MGAT1: variants seen among roughly 807,000 people sequenced by gnomAD.
The protein encoded by MGAT1 is alpha-1,3-mannosyl-glycoprotein 2-beta-N-acetylglucosaminyltransferase, also known as N-glycosyl-oligosaccharide-glycoprotein N-acetylglucosaminyltransferase I.
A neutral mutation model predicts 31.7 loss-of-function variants in MGAT1; 14 were observed. The observed-to-expected ratio is 0.44, with a 90% CI of 0.29 to 0.69. MGAT1 has a LOEUF of 0.69. Ranked by LOEUF, MGAT1 falls within the 30% of genes least tolerant of loss-of-function variation. The pLI is 0.12. For synonymous variants in MGAT1, 338 were observed against 276.0 expected (o/e 1.22, Z -2.23); for missense variants, 557 against 626.0 (o/e 0.89, Z 1.18).
At chr5:180,796,322 CA>C (rs533498019) in intron 1 of MGAT1, among the ~76,000 whole-genome samples, 2 of 152,350 alleles carry the variant, frequency 1.3e-5, no homozygotes, top group South Asian at 4.1e-4. Flanking sequence ...CAACCACCCC[CA>C]CCACGCCAGG....
intron 1 of MGAT1, among the ~76,000 whole-genome samples, chr5:180,798,642 A>G (rs1324519583): frequency 6.6e-6 from 1 of 152,242 alleles, no homozygotes; most frequent in Non-Finnish European, 1.5e-5. Context: ...ACTAAAACAC[A>G]GAAGTTTTCT....
At chr5:180,797,363 C>T (rs1331300451) in intron 1 of MGAT1, among the ~76,000 whole-genome samples, 1 of 145,384 alleles carries the variant, frequency 6.9e-6, no homozygotes, top group Non-Finnish European at 1.5e-5. Flanking sequence ...GATGGCACCA[C>T]TGCCTTCCAG....
At position 180,791,505 on chromosome 5, in the gene MGAT1, C is replaced by T; in HGVS notation, c.*129G>A. ...TGTTATCATTTGTGCACTTAAATGC[C>T]ACTCGGAAAAATCAAAAAGATAAAT... On this transcript the variant is annotated 3_prime_UTR_variant, in exon 2 of 2. Transcript: ENST00000307826. The T allele has an allele frequency of 8.6e-7, 1 of 1,159,826 alleles. No homozygotes were observed. Among genetic ancestry groups the T allele is most frequent in the South Asian group, 1.5e-5 (1 of 65,998 alleles). 71.8% of individuals were successfully genotyped at this position (1,159,826 alleles called of 1,614,324 possible). A position where few individuals can be genotyped will look rare whatever the true frequency, so the allele number is the denominator to read the frequency against.
chr5:180,800,524 G>A (rs1378220485), intron 1 of MGAT1, among the ~76,000 whole-genome samples: 2 of 152,230 alleles, frequency 1.3e-5, no homozygotes, highest in Non-Finnish European at 2.9e-5. Flanking sequence ...TTATCAGCAG[G>A]AGTGCTCACT....
intron 1 of MGAT1, among the ~76,000 whole-genome samples, chr5:180,797,406 CAAAAAAAAAAA>C (rs929442972): frequency 1.1e-4 from 6 of 52,322 alleles, no homozygotes; most frequent in African/African-American, 4.4e-4. Context: ...CATCCCCCAC[CAAAAAAAAAAA>C]AAAAAAAAAA....
intron 1 of MGAT1, among the ~76,000 whole-genome samples, chr5:180,812,383 C>T (rs1561886601): frequency 1.3e-5 from 2 of 152,124 alleles, no homozygotes; most frequent in Non-Finnish European, 2.9e-5. Flanking sequence ...TAAGTATTTT[C>T]ATAATTATAA....
chr5:180,803,604 G>A (rs374131286), upstream of MGAT1: 1 of 152,364 alleles, frequency 6.6e-6, no homozygotes, highest in Admixed American at 6.5e-5. Flanking sequence ...GCAAATACCT[G>A]TCGCTGAGCC....
rs1446057904 is a variant in MGAT1 at position 180,788,202 on chromosome 5, C to T, written c.*3432G>A. On this transcript the variant is annotated 3_prime_UTR_variant, in exon 2 of 2. Transcript: ENST00000307826. ...AGCCGCCACGCACACACGCATGCCA[C>T]CTGAGCAAGCCTTGATGGGTGAATA... The T allele has an allele frequency of 1.3e-5, 2 of 152,498 alleles. No individual in the cohort carries two copies. Among genetic ancestry groups the T allele is most frequent in the African/African-American group, 2.4e-5 (1 of 41,456 alleles). 9.4% of individuals were successfully genotyped at this position (152,498 alleles called of 1,614,324 possible). A position where few individuals can be genotyped will look rare whatever the true frequency, so the allele number is the denominator to read the frequency against.
chr5:180,791,746 G>A lies in MGAT1; in HGVS notation c.1226C>T (p.Ser409Leu), dbSNP rs766755154. 1.9e-6 allele frequency: 3 copies of A among 1,613,616 alleles called. No homozygotes were observed. Among genetic ancestry groups the A allele is most frequent in the Non-Finnish European group, 1.7e-6 (2 of 1,179,566 alleles). ...CCGGTAGCCAGCTCTCGGAACCCCC[G>A]ACTTAAGGTCATCCATGACACCCAG... ...KALGVMDDLK[S>L]GVPRAGYRGI... Residue 409 changes from serine to leucine, a missense_variant, in exon 2 of 2, where the codon TCG becomes TTG. Ser to Leu is a moderately radical substitution (Grantham distance 145). Around this residue, in one of 3 missense-constraint regions of MGAT1, gnomAD observed 145 missense variants for 143.2 expected, o/e 1.01. Coordinates refer to ENST00000307826, the MANE Select transcript of MGAT1 (RefSeq NM_002406.4).
chr5:180,790,770 T>G lies in MGAT1; in HGVS notation c.*864A>C, dbSNP rs1315671034. The G allele has an allele frequency of 6.6e-6, 1 of 152,228 alleles. No homozygotes were observed. Among genetic ancestry groups the G allele is most frequent in the African/African-American group, 2.4e-5 (1 of 41,394 alleles). 9.4% of individuals were successfully genotyped at this position (152,228 alleles called of 1,614,324 possible). On this transcript the variant is annotated 3_prime_UTR_variant, in exon 2 of 2. Transcript: ENST00000307826. ...TCCACCTGGTCACTGCTCCACCTCA[T>G]GCTGAGAGGAGCCTGTGTGTCAAAC... is the stretch of plus-strand genomic sequence containing the variant.
upstream of MGAT1, among the ~76,000 whole-genome samples, chr5:180,804,545 C>T (rs183303401): frequency 6.6e-6 from 1 of 152,230 alleles, no homozygotes; most frequent in Non-Finnish European, 1.5e-5. Flanking sequence ...CGAACCCAGG[C>T]GGATATGCCA....
At chr5:180,808,988 G>C (rs775686940) in exon 2 of MGAT1, 2 of 152,240 alleles carry the variant, frequency 1.3e-5, no homozygotes, top group African/African-American at 2.4e-5. Flanking sequence ...TCCACTGTGA[G>C]AACTGGCCCA....
chr5:180,814,852 A>G (rs1772769711), intron 1 of MGAT1, among the ~76,000 whole-genome samples: 1 of 151,798 alleles, frequency 6.6e-6, no homozygotes, highest in Non-Finnish European at 1.5e-5. Flanking sequence ...AGGCAGGAGA[A>G]TCGCTTGAAC....
At chr5:180,812,605 T>C (rs1160733442) in intron 1 of MGAT1, among the ~76,000 whole-genome samples, 2 of 152,076 alleles carry the variant, frequency 1.3e-5, no homozygotes, top group South Asian at 4.1e-4. Flanking sequence ...AGGTACAAAT[T>C]TCACAGTCCA....
chr5:180,796,701 T>G (rs1489715704), intron 1 of MGAT1, among the ~76,000 whole-genome samples: 3 of 152,090 alleles, frequency 2.0e-5, no homozygotes, highest in Non-Finnish European at 4.4e-5. Flanking sequence ...AACCTCTGCC[T>G]CCCAGGCTCA....
chr5:180,791,826 C>T lies in MGAT1; in HGVS notation c.1146G>A (p.Gly382=). ...TGCCCGTATACTGCACCCGCACCTC[C>T]CCCAGCTCCTTCCGGTCATTGGTCC... The part of the protein sequence containing the change: ...KVRTNDRKEL[G]EVRVQYTGRD... The change falls in exon 2 of 2, where the codon GGG becomes GGA. Residue 382 remains glycine, a synonymous_variant. Transcript: ENST00000307826. The T allele has an allele frequency of 6.2e-7, 1 of 1,614,244 alleles. No individual in the cohort carries two copies. The highest frequency in any genetic ancestry group is 8.5e-7 in the Non-Finnish European group (1 of 1,180,050).
Position 180,792,313 on chromosome 5 carries a change from T to A in MGAT1, c.659A>T (p.Glu220Val). ...CAGCGGATAGGTGGCCCGAAAGTAC[T>A]CGAAGAAGTCCGGGGCCACCTCCAG... ...DDLEVAPDFF[E>V]YFRATYPLLK... Residue 220 changes from glutamate (E) to valine (V), a missense_variant, in exon 2 of 2, where the codon GAG becomes GTG. Around this residue, in one of 3 missense-constraint regions of MGAT1, gnomAD observed 245 missense variants for 332.9 expected, o/e 0.74. Coordinates refer to ENST00000307826, the MANE Select transcript of MGAT1 (RefSeq NM_002406.4). The A allele has an allele frequency of 6.2e-7, 1 of 1,610,410 alleles. No homozygotes were observed. Among genetic ancestry groups the A allele is most frequent in the Non-Finnish European group, 8.5e-7 (1 of 1,177,818 alleles).
Position 180,788,865 on chromosome 5 carries a change from G to A in MGAT1, c.*2769C>T, listed in dbSNP as rs1238666864. The stretch of plus-strand genomic sequence containing the variant: ...GTTGGTACTTATCCTGGAGCACTAA[G>A]TAAGTTGGTACTTATCCTGGAGCAC... On this transcript the variant is annotated 3_prime_UTR_variant, in exon 2 of 2. Coordinates refer to ENST00000307826, the MANE Select transcript of MGAT1 (RefSeq NM_002406.4). 6.6e-6 allele frequency: 1 copy of A among 152,338 alleles called. No homozygotes were observed. The highest frequency in any genetic ancestry group is 1.5e-5 in the Non-Finnish European group (1 of 68,186). 9.4% of individuals were successfully genotyped at this position (152,338 alleles called of 1,614,324 possible).
At chr5:180,806,842 A>G (rs1771945332), upstream of MGAT1, among the ~76,000 whole-genome samples, 1 of 152,226 alleles carries the variant, frequency 6.6e-6, no homozygotes, top group Admixed American at 6.5e-5. Context: ...CCGTGGCATC[A>G]CGTATCCCCG....
Sources: gnomAD v4.1 joint callset for allele counts (sites outside exome capture counted in the v4.1 genomes callset) on GRCh38, gnomAD v4.1.1 for gene constraint, gnomAD v4.1.1 regional missense constraint, MANE v1.5 for transcripts, NCBI Gene and HGNC (gene_info 2026-07-23, HGNC 2026-07-21) for gene names.